The following SYTL3 variants were observed in gnomAD, a reference collection of about 807,000 sequenced individuals.
SYTL3 encodes synaptotagmin like 3.
In SYTL3, 88 loss-of-function variants were observed where a neutral mutation model predicts 82.1. That is an observed-to-expected ratio of 1.07 (90% confidence interval 0.90 to 1.28). The LOEUF (loss-of-function observed/expected upper bound fraction) is 1.28. SYTL3 is among the 50% of genes most tolerant of loss of function. The pLI is 0.00. For synonymous variants in SYTL3, 311 were observed against 289.4 expected (o/e 1.07, Z -0.76); for missense variants, 831 against 757.6 (o/e 1.10, Z -1.14).
At chr6:158,713,694 C>T (rs1783023041) in intron 8 of SYTL3, 106 bp from the exon 9 acceptor site, 2 of 803,564 alleles carry the variant, frequency 2.5e-6, no homozygotes, top group East Asian at 2.7e-5. Flanking sequence ...CACTCACTCG[C>T]ACACACCCAC....
chr6:158,741,562 C>G (rs910986839), intron 11 of SYTL3, among the ~76,000 whole-genome samples: 2 of 152,170 alleles, frequency 1.3e-5, no homozygotes, highest in African/African-American at 4.8e-5. Flanking sequence ...ATCAGACTGA[C>G]AGCAGACCAC....
Position 158,718,183 on chromosome 6 carries a change from C to T in SYTL3, c.692C>T (p.Ser231Phe). Residue 231 changes from serine (S) to phenylalanine (F), a missense_variant, in exon 10 of 18, where the codon TCT becomes TTT. Coordinates refer to ENST00000611299, the MANE Select transcript of SYTL3 (RefSeq NM_001242394.2). ...CVGQTERRSQSDTAVNVTTRK... is the reference protein window; with the variant it reads ...CVGQTERRSQFDTAVNVTTRK... ...GGACAGACAGAGAGACGGAGCCAGTCTGACACTGCGGTCAACGTCACCACC... is the reference window on the plus strand; with the variant it reads ...GGACAGACAGAGAGACGGAGCCAGTTTGACACTGCGGTCAACGTCACCACC... 6.5e-7 allele frequency: 1 copy of T among 1,543,504 alleles called. No homozygotes were observed. Among genetic ancestry groups the T allele is most frequent in the South Asian group, 1.2e-5 (1 of 83,018 alleles).
rs575358067 is a variant in SYTL3, at chr6:158,693,855, C to CTTTTT, written c.394+10880_394+10884dup. On this transcript the variant is annotated intron_variant, in intron 6 of 17. Coordinates refer to ENST00000611299, the MANE Select transcript of SYTL3 (RefSeq NM_001242394.2). ...TGCATCCAGCCTTTCTTTTTCTTTT[C>CTTTTT]TTTTTTTTTTTTTTTTTTGTAGATA... Among the ~76,000 whole-genome samples, 9 of 96,858 alleles carry CTTTTT rather than the reference C, an allele frequency of 9.3e-5. 1 individual carries two copies. The highest frequency in any genetic ancestry group is 5.7e-5 in the Non-Finnish European group (3 of 52,708). 63.5% of individuals were successfully genotyped at this position (96,858 alleles called of 152,430 possible). A position where few individuals can be genotyped will look rare whatever the true frequency, so the allele number is the denominator to read the frequency against.
intron 5 of SYTL3, among the ~76,000 whole-genome samples, chr6:158,666,748 T>C (rs563323546): frequency 6.6e-6 from 1 of 152,320 alleles, no homozygotes; most frequent in East Asian, 1.9e-4. Context: ...GGGCTGTGTT[T>C]AACGCACGCC....
chr6:158,684,151 C>A (rs1280383896), intron 6 of SYTL3, among the ~76,000 whole-genome samples: 1 of 152,058 alleles, frequency 6.6e-6, no homozygotes, highest in Non-Finnish European at 1.5e-5. Context: ...GAGCTATAGG[C>A]TGTGGGTGAT....
At position 158,764,809 on chromosome 6, in the gene SYTL3, G is replaced by A. The variant is rs1790593941; in HGVS notation, c.*205G>A. On this transcript the variant is annotated 3_prime_UTR_variant, in exon 18 of 18. Transcript: ENST00000611299. ...CAATTATGTTACCTAAGCCTCTGGTGGGTTATCTCCTCTTTGAGATGTAGA... is the reference window on the plus strand; with the variant it reads ...CAATTATGTTACCTAAGCCTCTGGTAGGTTATCTCCTCTTTGAGATGTAGA... 3 of 463,766 alleles carry A rather than the reference G, an allele frequency of 6.5e-6. No homozygotes were observed. Among genetic ancestry groups the A allele is most frequent in the Non-Finnish European group, 1.2e-5 (3 of 259,844 alleles). 28.7% of individuals were successfully genotyped at this position (463,766 alleles called of 1,614,324 possible).
rs1269492459 is a variant in SYTL3 at position 158,653,304 on chromosome 6, T to G, written c.-637+1462T>G. Among the ~76,000 whole-genome samples the G allele has an allele frequency of 2.0e-5, 3 of 152,114 alleles. No individual in the cohort carries two copies. The East Asian group carries it at 5.8e-4, about 30-fold the overall frequency. On this transcript the variant is annotated intron_variant, in intron 2 of 17. Coordinates refer to ENST00000611299, the MANE Select transcript of SYTL3 (RefSeq NM_001242394.2). Reference sequence around the variant, plus strand: ...GGCAGATCACCTGAGGTTGGGAGTTTGAGACCAGCCTGACCAACATGAAGA... The same window carrying G: ...GGCAGATCACCTGAGGTTGGGAGTTGGAGACCAGCCTGACCAACATGAAGA...
At chr6:158,736,910 G>T (rs1786251086) in intron 11 of SYTL3, among the ~76,000 whole-genome samples, 1 of 151,900 alleles carries the variant, frequency 6.6e-6, no homozygotes, top group Admixed American at 6.6e-5. Context: ...AAGGGAGGAG[G>T]AGTTCTGGGG....
At chr6:158,740,494 A>G (rs1786796263) in intron 11 of SYTL3, among the ~76,000 whole-genome samples, 1 of 151,918 alleles carries the variant, frequency 6.6e-6, no homozygotes, top group Non-Finnish European at 1.5e-5. Context: ...GTCTATTTTT[A>G]TTGTGCATTT....
chr6:158,685,124 G>A (rs1485927543), intron 6 of SYTL3, among the ~76,000 whole-genome samples: 4 of 151,902 alleles, frequency 2.6e-5, no homozygotes, highest in East Asian at 1.9e-4. Context: ...TAGGGGTGCC[G>A]TCATCCCATG....
intron 6 of SYTL3, among the ~76,000 whole-genome samples, chr6:158,692,269 A>C: frequency 1.0e-5 from 1 of 99,218 alleles, no homozygotes; most frequent in Non-Finnish European, 2.0e-5. Context: ...AAAAAAAAAA[A>C]AAAAAAAAAA....
At chr6:158,648,973 T>C (rs1787702041), upstream of SYTL3, among the ~76,000 whole-genome samples, 1 of 152,228 alleles carries the variant, frequency 6.6e-6, no homozygotes, top group African/African-American at 2.4e-5. Context: ...AATACCTCTG[T>C]ACCCCATGAA....
chr6:158,671,083 C>T (rs568362320), intron 5 of SYTL3, among the ~76,000 whole-genome samples: 4 of 151,972 alleles, frequency 2.6e-5, no homozygotes, highest in Admixed American at 2.6e-4. Flanking sequence ...AGATTACAGG[C>T]GTGAGCCACG....
upstream of SYTL3, among the ~76,000 whole-genome samples, chr6:158,648,004 C>T (rs1323670515): frequency 6.6e-6 from 1 of 152,152 alleles, no homozygotes; most frequent in African/African-American, 2.4e-5. Context: ...TCAATAATAT[C>T]CAGCAGTGGC....
At position 158,759,898 on chromosome 6, in the gene SYTL3, A is replaced by AT. The variant is rs555573032; in HGVS notation, c.1309-732dup. Among the ~76,000 whole-genome samples, 690 of 149,866 alleles carry AT rather than the reference A, an allele frequency of 4.6e-3. 5 individuals carry two copies. Among genetic ancestry groups the AT allele is most frequent in the Middle Eastern group, 0.028 (8 of 288 alleles). On this transcript the variant is annotated intron_variant, in intron 14 of 17. Transcript: ENST00000611299. ...TTCTTAAAACATGAGTTTTTTTGTG[A>AT]TTTTTTTTTTAAGCTCATCAGCTGT...
intron 6 of SYTL3, among the ~76,000 whole-genome samples, chr6:158,693,243 C>A (rs1266099998): frequency 6.6e-6 from 1 of 152,122 alleles, no homozygotes; most frequent in African/African-American, 2.4e-5. Context: ...TTTGAGACAG[C>A]GTCTCATTTT....
intron 5 of SYTL3, among the ~76,000 whole-genome samples, chr6:158,666,984 T>A (rs925860362): frequency 3.3e-5 from 5 of 152,256 alleles, no homozygotes; most frequent in Non-Finnish European, 2.9e-5. Context: ...TTTTCCTTGC[T>A]TGAGAGCAAA....
In SYTL3 at chr6:158,675,195, A is replaced by G. The variant is rs112108447; in HGVS notation, c.330-7730A>G. ...CCTGCGGAGGGGAGGATATTCATTC[A>G]TTCACTGGGGCTGTAATGTGCCTGG... On this transcript the variant is annotated intron_variant, in intron 5 of 17. Coordinates refer to ENST00000611299, the MANE Select transcript of SYTL3 (RefSeq NM_001242394.2). Among the ~76,000 whole-genome samples the G allele has an allele frequency of 1.7e-3, 253 of 152,294 alleles. 2 individuals are homozygous for G. Among genetic ancestry groups the G allele is most frequent in the Non-Finnish European group, 3.0e-3 (204 of 68,026 alleles).
chr6:158,732,343 C>T (rs1009959246), intron 11 of SYTL3, among the ~76,000 whole-genome samples: 2 of 152,192 alleles, frequency 1.3e-5, no homozygotes, highest in East Asian at 3.9e-4. Flanking sequence ...CTAAGGCAAA[C>T]GATAGCAATG....
Sources: allele counts gnomAD v4.1 joint callset (sites outside exome capture counted in the v4.1 genomes callset), GRCh38; gene constraint gnomAD v4.1.1; transcripts MANE v1.5; gene names NCBI Gene and HGNC (gene_info 2026-07-23, HGNC 2026-07-21).